Variants in CMIP observed in about 807,000 individuals in gnomAD.
The protein encoded by CMIP is c-Maf inducing protein.
Under a neutral mutation model 97.3 loss-of-function variants are expected in CMIP, and 13 were observed. The ratio of observed to expected loss-of-function variants is 0.13; its 90% CI spans 0.09 to 0.21. The LOEUF is 0.21. Among genes scored for constraint, CMIP ranks in the 10% least tolerant of loss-of-function variants. CMIP has a pLI of 1.00. For missense variants in CMIP, 847 were observed against 1,024.9 expected (o/e 0.83, Z 2.37); for synonymous variants, 538 against 436.3 (o/e 1.23, Z -2.91).
intron 1 of CMIP, among the ~76,000 whole-genome samples, chr16:81,553,161 C>T (rs766256200): frequency 6.6e-6 from 1 of 152,120 alleles, no homozygotes; most frequent in Non-Finnish European, 1.5e-5. Context: ...CTCAGTCTTC[C>T]CTCGTTTTCT....
chr16:81,519,566 C>G (rs1002958591), intron 1 of CMIP: 2 of 152,256 alleles, frequency 1.3e-5, no homozygotes, highest in Non-Finnish European at 2.9e-5. Flanking sequence ...TGAGACCAGA[C>G]AGGGTTGGAA....
At chr16:81,481,418 A>C (rs1908256697) in intron 1 of CMIP, among the ~76,000 whole-genome samples, 1 of 152,220 alleles carries the variant, frequency 6.6e-6, no homozygotes. Flanking sequence ...TCCCAACGTT[A>C]CACAGCTTGT....
intron 1 of CMIP, among the ~76,000 whole-genome samples, chr16:81,470,540 A>G (rs182072563): frequency 1.3e-3 from 193 of 152,372 alleles, no homozygotes; most frequent in Middle Eastern, 3.4e-3. Context: ...CGCTGCTGAC[A>G]GGCCACCTGG....
At chr16:81,641,596 G>A (rs1385495794) in intron 3 of CMIP, among the ~76,000 whole-genome samples, 1 of 152,192 alleles carries the variant, frequency 6.6e-6, no homozygotes, top group Non-Finnish European at 1.5e-5. Context: ...ATGCCGCAGA[G>A]ACAGTGGAGC....
chr16:81,606,497 C>T (rs16955647), intron 1 of CMIP, among the ~76,000 whole-genome samples: 1,525 of 152,314 alleles, frequency 0.01, 30 homozygotes, highest in African/African-American at 0.035. Flanking sequence ...CTGGTGCCTT[C>T]TCGGGACAGC....
chr16:81,613,742 T>C (rs1216732132), intron 2 of CMIP, among the ~76,000 whole-genome samples: 1 of 152,146 alleles, frequency 6.6e-6, no homozygotes, highest in African/African-American at 2.4e-5. Flanking sequence ...GTGTGGACTT[T>C]CTTCGCTGAG....
At chr16:81,516,124 C>G (rs1320502011) in intron 1 of CMIP, among the ~76,000 whole-genome samples, 1 of 152,096 alleles carries the variant, frequency 6.6e-6, no homozygotes, top group Non-Finnish European at 1.5e-5. Context: ...TACCCAGTGC[C>G]CTGCGTTGGA....
intron 10 of CMIP, among the ~76,000 whole-genome samples, chr16:81,683,589 CAT>C (rs1331692921): frequency 6.6e-6 from 1 of 151,796 alleles, no homozygotes; most frequent in Non-Finnish European, 1.5e-5. Context: ...GGGTTTTTGC[CAT>C]GTTGGCCAGG....
Position 81,701,662 on chromosome 16 carries a change from C to A in CMIP, c.1758C>A (p.Ile586=). The A allele has an allele frequency of 3.7e-6, 6 of 1,613,904 alleles. No homozygotes were observed. Among genetic ancestry groups the A allele is most frequent in the South Asian group, 2.2e-5 (2 of 91,082 alleles). Residue 586 remains isoleucine (I), a splice_region_variant and synonymous_variant, in exon 16 of 21, where the codon ATC becomes ATA. Transcript: ENST00000537098. ...ALRGNQTMVE[I]LCLMLEYNII... is the part of the protein sequence containing the mutation. Reference sequence around the variant, plus strand: ...TGCACCCCTGCGGTTCTGGACAGATCCTGTGCTTGATGCTGGAATACAACA... The same window carrying A: ...TGCACCCCTGCGGTTCTGGACAGATACTGTGCTTGATGCTGGAATACAACA...
intron 1 of CMIP, among the ~76,000 whole-genome samples, chr16:81,493,973 C>A (rs145195809): frequency 6.6e-6 from 1 of 152,176 alleles, no homozygotes; most frequent in Non-Finnish European, 1.5e-5. Flanking sequence ...TATTTATTAG[C>A]CGTTTTTTTA....
chr16:81,683,865 C>T (rs1905125079), intron 10 of CMIP, among the ~76,000 whole-genome samples: 1 of 150,158 alleles, frequency 6.7e-6, no homozygotes, highest in South Asian at 2.1e-4. Flanking sequence ...GGGTTCAAGC[C>T]ATTCTCCTGC....
intron 1 of CMIP, among the ~76,000 whole-genome samples, chr16:81,505,561 G>A (rs931979149): frequency 2.0e-5 from 3 of 152,228 alleles, no homozygotes; most frequent in Non-Finnish European, 4.4e-5. Flanking sequence ...TGAAAGCCTT[G>A]TCTGTTTCCC....
At chr16:81,546,032 G>A (rs2090540445) in intron 1 of CMIP, among the ~76,000 whole-genome samples, 1 of 152,164 alleles carries the variant, frequency 6.6e-6, no homozygotes, top group Non-Finnish European at 1.5e-5. Flanking sequence ...GGCGCTCGCT[G>A]TGAATAGCAG....
At chr16:81,452,108 C>T (rs551612332) in intron 1 of CMIP, among the ~76,000 whole-genome samples, 80 of 152,292 alleles carry the variant, frequency 5.3e-4, no homozygotes, top group Non-Finnish European at 9.1e-4. Context: ...GTAGCCATTT[C>T]GTTACCCCTC....
intron 1 of CMIP, among the ~76,000 whole-genome samples, chr16:81,491,251 C>G (rs1250835587): frequency 6.6e-6 from 1 of 152,218 alleles, no homozygotes; most frequent in East Asian, 1.9e-4. Flanking sequence ...GTTGGCCTTA[C>G]AAGAGCCTGG....
chr16:81,568,080 C>T, intron 1 of CMIP, among the ~76,000 whole-genome samples: 1 of 127,662 alleles, frequency 7.8e-6, no homozygotes. Flanking sequence ...AGAAACTGTA[C>T]AGAAAAGAGG....
In CMIP at chr16:81,693,202, G is replaced by T. The variant is rs372364437; in HGVS notation, c.1481+18G>T. Reference sequence around the variant, plus strand: ...TTCACCAAGTGAGTGTCTGGGCACCGCCCTCATTCCATTCTGGCACGCACG... The same window carrying T: ...TTCACCAAGTGAGTGTCTGGGCACCTCCCTCATTCCATTCTGGCACGCACG... On this transcript the variant is annotated intron_variant, in intron 12 of 20. Coordinates refer to ENST00000537098, the MANE Select transcript of CMIP (RefSeq NM_198390.3). 108 of 1,608,020 alleles carry T rather than the reference G, an allele frequency of 6.7e-5. No homozygotes were observed. The highest frequency in any genetic ancestry group is 1.2e-4 in the Admixed American group (7 of 59,744).
intron 1 of CMIP, among the ~76,000 whole-genome samples, chr16:81,498,659 C>T (rs993718966): frequency 6.6e-6 from 1 of 152,206 alleles, no homozygotes; most frequent in Non-Finnish European, 1.5e-5. Flanking sequence ...CGAGCACACA[C>T]GTGTGTGCAT....
intron 1 of CMIP, among the ~76,000 whole-genome samples, chr16:81,557,274 A>C (rs1020528805): frequency 2.0e-5 from 3 of 152,202 alleles, no homozygotes; most frequent in Non-Finnish European, 2.9e-5. Context: ...TGCCAAATGC[A>C]TGTTGGTTGA....
Sources: gnomAD v4.1 joint callset for allele counts (sites outside exome capture counted in the v4.1 genomes callset) on GRCh38, gnomAD v4.1.1 for gene constraint, MANE v1.5 for transcripts, NCBI Gene and HGNC (gene_info 2026-07-23, HGNC 2026-07-21) for gene names.